LRIF1: variants seen among roughly 807,000 people sequenced by gnomAD.
The protein encoded by LRIF1 is ligand-dependent nuclear receptor-interacting factor 1.
Under a neutral mutation model 52.7 loss-of-function variants are expected in LRIF1, and 32 were observed. That is an observed-to-expected ratio of 0.61 (90% confidence interval 0.46 to 0.82). LRIF1 has a LOEUF of 0.82. LRIF1 is among the 40% of genes least tolerant of loss of function. The pLI is 0.00. For synonymous variants in LRIF1, 323 were observed against 317.4 expected, an observed-to-expected ratio of 1.02 and a Z score of -0.19; for missense variants, 887 against 892.0, an observed-to-expected ratio of 0.99 and a Z score of 0.07.
the LRIF1 span, among the ~76,000 whole-genome samples, chr1:110,921,758 C>T: frequency 2.0e-5 from 3 of 152,064 alleles, no homozygotes; most frequent in African/African-American, 7.2e-5. Context: ...TTTAGACGTG[C>T]CTCCTAAAGT....
At chr1:110,904,520 C>G in the LRIF1 span, among the ~76,000 whole-genome samples, 1 of 152,092 alleles carries the variant, frequency 6.6e-6, no homozygotes, top group Non-Finnish European at 1.5e-5. Context: ...GAATTCTCCC[C>G]AATTTTATCC....
downstream of LRIF1, among the ~76,000 whole-genome samples, chr1:110,942,720 A>C (rs1400946305): frequency 6.6e-6 from 1 of 152,120 alleles, no homozygotes; most frequent in African/African-American, 2.4e-5. Flanking sequence ...ATCAAGTGGA[A>C]GCCTGAATTT....
rs757476880 is a variant in LRIF1 at position 110,952,282 on chromosome 1, AATG to A, written c.599_601del (p.Ser200del). ...TATCTTTTGCTGCACTGAAGGAGGC[AATG>A]ATGACGCTGGTACAGATTTCACTTC... On this transcript the variant is annotated inframe_deletion, in exon 2 of 4. Coordinates refer to ENST00000369763, the MANE Select transcript of LRIF1 (RefSeq NM_018372.4). 4 of 1,614,074 alleles carry A rather than the reference AATG, an allele frequency of 2.5e-6. No homozygotes were observed. In the African/African-American group the frequency reaches 5.3e-5, roughly 22 times the overall value.
chr1:110,944,901 T>G (rs1195937589), downstream of LRIF1: 1 of 151,668 alleles, frequency 6.6e-6, no homozygotes, highest in Admixed American at 6.6e-5. Context: ...TTGCTGTTTT[T>G]TTTTTTTTTT....
At chr1:110,902,097 T>C in the LRIF1 span, among the ~76,000 whole-genome samples, 1 of 150,346 alleles carries the variant, frequency 6.7e-6, no homozygotes, top group African/African-American at 2.4e-5. Flanking sequence ...GCTCTTCTAG[T>C]ATTCACCATT....
chr1:110,896,702 C>T, the LRIF1 span: 1 of 1,613,380 alleles, frequency 6.2e-7, no homozygotes, highest in Non-Finnish European at 8.5e-7. Flanking sequence ...AGTGGCCCAC[C>T]AGCATCTTGC....
At chr1:110,944,050 TCTGA>T (rs749175618), downstream of LRIF1, 8 of 152,216 alleles carry the variant, frequency 5.3e-5, no homozygotes, top group Non-Finnish European at 7.3e-5. Context: ...AAAGGATCAC[TCTGA>T]CTGTTTTACT....
At chr1:110,923,302 AAAC>A in the LRIF1 span, among the ~76,000 whole-genome samples, 3 of 152,114 alleles carry the variant, frequency 2.0e-5, no homozygotes, top group Non-Finnish European at 4.4e-5. Flanking sequence ...TCCATCTCAA[AAAC>A]AACAACAACA....
the LRIF1 span, among the ~76,000 whole-genome samples, chr1:110,878,352 A>C: frequency 6.6e-6 from 1 of 152,202 alleles, no homozygotes; most frequent in Non-Finnish European, 1.5e-5. Flanking sequence ...AAAGACTGCC[A>C]CAGGCTCTGT....
intron 1 of LRIF1, among the ~76,000 whole-genome samples, chr1:110,953,218 T>C (rs925727594): frequency 1.3e-5 from 2 of 152,146 alleles, no homozygotes; most frequent in Non-Finnish European, 2.9e-5. Context: ...CTTACTCTTA[T>C]TCCATTTCTC....
At chr1:110,923,314 C>T in the LRIF1 span, among the ~76,000 whole-genome samples, 3 of 151,958 alleles carry the variant, frequency 2.0e-5, no homozygotes, top group Admixed American at 1.3e-4. Context: ...ACAACAACAA[C>T]AAAACTCTAA....
the LRIF1 span, among the ~76,000 whole-genome samples, chr1:110,886,871 T>TATATATATATATATA: frequency 2.6e-5 from 2 of 76,050 alleles, no homozygotes; most frequent in African/African-American, 7.1e-5. Context: ...ATATATATAT[T>TATATATATATATATA]TTTTTTTTCT....
At chr1:110,890,454 C>A in the LRIF1 span, among the ~76,000 whole-genome samples, 1 of 152,090 alleles carries the variant, frequency 6.6e-6, no homozygotes, top group Non-Finnish European at 1.5e-5. Context: ...TTAGTCTCAG[C>A]TACCTGGGAG....
At chr1:110,909,391 T>G in the LRIF1 span, among the ~76,000 whole-genome samples, 2 of 152,104 alleles carry the variant, frequency 1.3e-5, no homozygotes. Flanking sequence ...TAACTTTGAA[T>G]GTAAATGGGC....
At chr1:110,901,251 C>T in the LRIF1 span, among the ~76,000 whole-genome samples, 1 of 151,844 alleles carries the variant, frequency 6.6e-6, no homozygotes, top group Non-Finnish European at 1.5e-5. Flanking sequence ...AATCTTGGCT[C>T]ACTGCAACCT....
At chr1:110,889,486 A>G in the LRIF1 span, among the ~76,000 whole-genome samples, 3 of 152,230 alleles carry the variant, frequency 2.0e-5, no homozygotes, top group South Asian at 6.2e-4. Flanking sequence ...TGAATCTGGA[A>G]GGTGGAGGTT....
chr1:110,928,818 T>C, the LRIF1 span, among the ~76,000 whole-genome samples: 1 of 152,050 alleles, frequency 6.6e-6, no homozygotes, highest in African/African-American at 2.4e-5. Context: ...GACAGAGGAC[T>C]AGTAGATGAG....
At chr1:110,881,787 A>C in the LRIF1 span, among the ~76,000 whole-genome samples, 2 of 152,202 alleles carry the variant, frequency 1.3e-5, no homozygotes, top group Non-Finnish European at 2.9e-5. Flanking sequence ...TCAGGTTTTG[A>C]AAACATTTTA....
the LRIF1 span, chr1:110,897,599 C>A: frequency 2.2e-6 from 1 of 453,876 alleles, no homozygotes; most frequent in Non-Finnish European, 4.0e-6. Context: ...TTAGTTACCA[C>A]TGTAATGATA....
Sources: gnomAD v4.1 joint callset for allele counts (sites outside exome capture counted in the v4.1 genomes callset) on GRCh38, gnomAD v4.1.1 for gene constraint, MANE v1.5 for transcripts, NCBI Gene and HGNC (gene_info 2026-07-23, HGNC 2026-07-21) for gene names.